The following NPAT variants were observed in gnomAD, a reference collection of about 807,000 sequenced individuals.
NPAT encodes the protein nuclear protein, coactivator of histone transcription.
Under a neutral mutation model 130.7 loss-of-function variants are expected in NPAT, and 52 were observed. The ratio of observed to expected loss-of-function variants is 0.40; its 90% CI spans 0.32 to 0.50. NPAT has a LOEUF of 0.50. Among genes scored for constraint, NPAT ranks in the 20% least tolerant of loss-of-function variants. The pLI, the probability that NPAT is intolerant of heterozygous loss-of-function variation, is 0.68. For synonymous variants in NPAT, 580 were observed against 584.8 expected (o/e 0.99, Z 0.12); for missense variants, 1,687 against 1,662.6 (o/e 1.01, Z -0.26).
Position 108,193,979 on chromosome 11 carries a change from C to A in NPAT, c.195G>T (p.Glu65Asp). The change falls in exon 3 of 18, where the codon GAG (glutamate) becomes GAT (aspartate). Residue 65 changes from glutamate to aspartate, a missense_variant. This residue lies in a region of NPAT where 307 missense variants were observed against 298.9 expected (regional missense o/e 1.03). Transcript: ENST00000278612. ...FGKNLTTILN[E>D]YVAMKTKETS... is the part of the protein sequence containing the mutation. ...TACCTTTTGTTTTCATAGCTACATA[C>A]TCATTTAAAATTGTTGTCAAGTTTT... is the stretch of plus-strand genomic sequence containing the variant. 6.3e-7 allele frequency: 1 copy of A among 1,578,182 alleles called. No individual in the cohort carries two copies. The highest frequency in any genetic ancestry group is 8.7e-7 in the Non-Finnish European group (1 of 1,148,104).
At chr11:108,192,251 T>C in intron 3 of NPAT, 61 bp from the exon 4 acceptor site, 1 of 1,066,658 alleles carries the variant, frequency 9.4e-7, no homozygotes, top group African/African-American at 1.6e-5. Context: ...TCATTCATTC[T>C]GAACAAAGAC....
At chr11:108,176,172 A>G (rs2078004007) in intron 12 of NPAT, 74 bp downstream of exon 12, 4 of 1,139,128 alleles carry the variant, frequency 3.5e-6, no homozygotes, top group South Asian at 1.3e-5. Flanking sequence ...TTCCAAATTA[A>G]TATTTTCTGC....
chr11:108,165,465 TA>T (rs1419270460), intron 15 of NPAT, among the ~76,000 whole-genome samples: 1 of 103,394 alleles, frequency 9.7e-6, no homozygotes, highest in African/African-American at 4.5e-5. Context: ...TATATATATA[TA>T]TATATATTTT....
chr11:108,210,036 T>C (rs1266658094), intron 1 of NPAT, among the ~76,000 whole-genome samples: 1 of 150,966 alleles, frequency 6.6e-6, no homozygotes, highest in African/African-American at 2.4e-5. Context: ...GCTAGTTCTC[T>C]GAAAACGTCA....
rs988640098 is a variant in NPAT, at chr11:108,222,606, T to G, written c.-70A>C. ...TTAAAGCAAACACAGCGACAGCTCC[T>G]GCGCCGCATCTCCTGGTTCCAGTGG... On this transcript the variant is annotated 5_prime_UTR_variant, in exon 1 of 18. Coordinates refer to ENST00000278612, the MANE Select transcript of NPAT (RefSeq NM_002519.3). 7 of 1,553,918 alleles carry G rather than the reference T, an allele frequency of 4.5e-6. No individual in the cohort carries two copies. Among genetic ancestry groups the G allele is most frequent in the East Asian group, 2.3e-5 (1 of 44,088 alleles).
chr11:108,161,859 G>GT lies in NPAT; in HGVS notation c.3226dup (p.Thr1076AsnfsTer7). On this transcript the variant is annotated frameshift_variant, in exon 17 of 18. Coordinates refer to ENST00000278612, the MANE Select transcript of NPAT (RefSeq NM_002519.3). LOFTEE classifies it high-confidence loss of function. ...CACCATCTTATGGTTTGGCCCCTGC[G>GT]TATTTGCCACAGGAGCAGTAGTGCT... is the stretch of plus-strand genomic sequence containing the variant. 6.2e-7 allele frequency: 1 copy of GT among 1,614,056 alleles called. No homozygotes were observed. Among genetic ancestry groups the GT allele is most frequent in the Non-Finnish European group, 8.5e-7 (1 of 1,180,018 alleles).
At position 108,169,554 on chromosome 11, in the gene NPAT, G is replaced by A. The variant is rs146902484; in HGVS notation, c.3010+190C>T. Among the ~76,000 whole-genome samples the A allele has an allele frequency of 2.5e-3, 388 of 152,270 alleles. 2 individuals carry two copies. The highest frequency in any genetic ancestry group is 8.1e-3 in the African/African-American group (336 of 41,566). ...GCAAAAGCTAACAGATTCAACAAAG[G>A]AGACAATTTTCTCAGAACCAAAGCT... On this transcript the variant is annotated intron_variant, in intron 15 of 17. Transcript: ENST00000278612.
chr11:108,176,344 T>G lies in NPAT; in HGVS notation c.1034A>C (p.Gln345Pro). The G allele has an allele frequency of 6.4e-7, 1 of 1,554,738 alleles. No homozygotes were observed. Among genetic ancestry groups the G allele is most frequent in the Non-Finnish European group, 8.9e-7 (1 of 1,126,464 alleles). Residue 345 changes from glutamine to proline, a missense_variant, in exon 12 of 18, where the codon CAA becomes CCA. Gln to Pro is a moderately conservative substitution (Grantham distance 76). This residue lies in a region of NPAT where 1,379 missense variants were observed against 1,346.6 expected (regional missense o/e 1.02). Transcript: ENST00000278612. Reference sequence around the variant, plus strand: ...TTCCATAGGTTGACTGGAAATACTTTGTGATATATTTTTATTATTCTTTGT... The same window carrying G: ...TTCCATAGGTTGACTGGAAATACTTGGTGATATATTTTTATTATTCTTTGT... ...GKTKNNKNIS[Q>P]SISSQPMESN...
intron 15 of NPAT, among the ~76,000 whole-genome samples, chr11:108,167,950 T>C (rs1298271236): frequency 1.3e-5 from 2 of 152,192 alleles, no homozygotes; most frequent in East Asian, 1.9e-4. Context: ...TTTATAGTTA[T>C]AAGAGAAGAT....
chr11:108,165,469 TA>T (rs201312252), intron 15 of NPAT, among the ~76,000 whole-genome samples: 25 of 100,944 alleles, frequency 2.5e-4, no homozygotes, highest in African/African-American at 4.3e-4. Flanking sequence ...TATATATATA[TA>T]TATTTTTTTT....
intron 1 of NPAT, 37 bp downstream of exon 1, chr11:108,222,463 C>T (rs1179356361): frequency 2.5e-6 from 4 of 1,611,554 alleles, no homozygotes; most frequent in East Asian, 4.5e-5. Context: ...CCAGCATAGC[C>T]GGGTCCAATA....
intron 10 of NPAT, among the ~76,000 whole-genome samples, chr11:108,182,136 G>A (rs1386860157): frequency 6.6e-6 from 1 of 152,138 alleles, no homozygotes; most frequent in Non-Finnish European, 1.5e-5. Flanking sequence ...GGGTCACCAG[G>A]CTGAGGCTGA....
At position 108,186,469 on chromosome 11, in the gene NPAT, C is replaced by T. The variant is rs769697794; in HGVS notation, c.726+13G>A. 2 of 1,607,842 alleles carry T rather than the reference C, an allele frequency of 1.2e-6. No homozygotes were observed. The highest frequency in any genetic ancestry group is 1.7e-6 in the Non-Finnish European group (2 of 1,174,406). On this transcript the variant is annotated intron_variant, in intron 8 of 17. Transcript: ENST00000278612. ...GAATATTTTAAGTTGCAAAGTTTGG[C>T]AGAGTCACTTACTTTTTCTACTGCA...
chr11:108,192,323 G>T (rs1316659272), intron 3 of NPAT, 133 bp from the exon 4 acceptor site: 7 of 716,364 alleles, frequency 9.8e-6, no homozygotes, highest in Non-Finnish European at 1.5e-5. Flanking sequence ...ATAAATCTAT[G>T]TTGTAAAATA....
chr11:108,159,662 T>C (rs1330328773), intron 17 of NPAT, among the ~76,000 whole-genome samples: 1 of 150,100 alleles, frequency 6.7e-6, no homozygotes, highest in Non-Finnish European at 1.5e-5. Context: ...AATAAATGGA[T>C]TTCATTTATC....
At chr11:108,162,491 C>G (rs1380881784) in intron 15 of NPAT, among the ~76,000 whole-genome samples, 1 of 152,216 alleles carries the variant, frequency 6.6e-6, no homozygotes, top group Non-Finnish European at 1.5e-5. Context: ...AGCGCAGTGG[C>G]ATGATCTCGG....
rs1160549719 is a variant in NPAT, at chr11:108,173,866, G to A, written c.1133-15C>T. 2 of 1,606,066 alleles carry A rather than the reference G, an allele frequency of 1.2e-6. No homozygotes were observed. Among genetic ancestry groups the A allele is most frequent in the East Asian group, 4.5e-5 (2 of 44,836 alleles). ...AGACTGACCATCTGCAAAGTATCAGGCAGGTAGACAGATATGGTAAATATG... is the reference window on the plus strand; with the variant it reads ...AGACTGACCATCTGCAAAGTATCAGACAGGTAGACAGATATGGTAAATATG... On this transcript the variant is annotated splice_polypyrimidine_tract_variant and intron_variant, in intron 12 of 17. Transcript: ENST00000278612.
Position 108,176,317 on chromosome 11 carries a change from G to T in NPAT, c.1061C>A (p.Ser354Tyr), listed in dbSNP as rs1489641039. The T allele has an allele frequency of 3.2e-6, 5 of 1,568,804 alleles. No homozygotes were observed. The highest frequency in any genetic ancestry group is 4.4e-6 in the Non-Finnish European group (5 of 1,139,186). Residue 354 changes from serine (S) to tyrosine (Y), a missense_variant, in exon 12 of 18, where the codon TCC (serine) becomes TAC (tyrosine). This residue lies in a region of NPAT where 1,379 missense variants were observed against 1,346.6 expected (regional missense o/e 1.02). Coordinates refer to ENST00000278612, the MANE Select transcript of NPAT (RefSeq NM_002519.3). ...ATCTGCTAAGACTATACTGGGATTGGATTCCATAGGTTGACTGGAAATACT... is the reference window on the plus strand; with the variant it reads ...ATCTGCTAAGACTATACTGGGATTGTATTCCATAGGTTGACTGGAAATACT... ...SQSISSQPME[S>Y]NPSIVLADET...
intron 10 of NPAT, 48 bp downstream of exon 10, chr11:108,185,184 A>C: frequency 8.1e-7 from 1 of 1,232,534 alleles, no homozygotes; most frequent in Non-Finnish European, 1.2e-6. Context: ...CATCAATCTT[A>C]AGTATAAGTA....
Sources: allele counts gnomAD v4.1 joint callset (sites outside exome capture counted in the v4.1 genomes callset), GRCh38; gene constraint gnomAD v4.1.1; regional missense constraint gnomAD v4.1.1; transcripts MANE v1.5; gene names NCBI Gene and HGNC (gene_info 2026-07-23, HGNC 2026-07-21).